The following UGT1A10 variants were observed in gnomAD, a reference collection of about 807,000 sequenced individuals.
The protein encoded by UGT1A10 is UDP-glucuronosyltransferase 1A10.
In UGT1A10, 49 loss-of-function variants were observed where a neutral mutation model predicts 45.8. The observed-to-expected ratio is 1.07, with a 90% CI of 0.85 to 1.36. The LOEUF is 1.36. Among genes scored for constraint, UGT1A10 ranks in the 40% most tolerant of loss-of-function variants. The pLI, the probability that UGT1A10 is intolerant of heterozygous loss-of-function variation, is 0.00. For synonymous variants in UGT1A10, 284 were observed against 249.7 expected (o/e 1.14, Z -1.29); for missense variants, 745 against 668.6 (o/e 1.11, Z -1.26).
intron 1 of UGT1A10, chr2:233,718,970 G>T (rs45510694): frequency 4.3e-6 from 7 of 1,614,194 alleles, no homozygotes; most frequent in Non-Finnish European, 5.9e-6. Flanking sequence ...CCTTGCGGGA[G>T]CTCCATGCCA....
At chr2:233,664,210 AT>A (rs765288843) in intron 1 of UGT1A10, among the ~76,000 whole-genome samples, 6 of 152,230 alleles carry the variant, frequency 3.9e-5, no homozygotes, top group Non-Finnish European at 7.4e-5. Flanking sequence ...TTCTATCAGT[AT>A]TTTGGTCACA....
intron 1 of UGT1A10, chr2:233,648,711 G>A (rs950191233): frequency 4.0e-5 from 17 of 424,108 alleles, no homozygotes; most frequent in Middle Eastern, 3.7e-4. Context: ...TGATCCGCCC[G>A]CCTTGGCCTC....
chr2:233,719,253 T>A (rs757974973), intron 1 of UGT1A10: 2 of 1,614,038 alleles, frequency 1.2e-6, no homozygotes, highest in African/African-American at 2.7e-5. Flanking sequence ...GAATGCTACT[T>A]CCTTTGATGT....
chr2:233,733,661 T>C (rs1200789776), intron 1 of UGT1A10, among the ~76,000 whole-genome samples: 1 of 152,240 alleles, frequency 6.6e-6, no homozygotes, highest in African/African-American at 2.4e-5. Context: ...GAAGCCGACT[T>C]GATCGATGTG....
intron 1 of UGT1A10, among the ~76,000 whole-genome samples, chr2:233,703,526 A>G (rs1380988248): frequency 1.3e-5 from 2 of 151,996 alleles, no homozygotes; most frequent in Non-Finnish European, 2.9e-5. Context: ...GACACTTATC[A>G]TTACACAATT....
At position 233,662,232 on chromosome 2, in the gene UGT1A10, T is replaced by C. The variant is rs542411289; in HGVS notation, c.855+24855T>C. Among the ~76,000 whole-genome samples, 3 of 152,366 alleles carry C rather than the reference T, an allele frequency of 2.0e-5. No homozygotes were observed. The East Asian group carries it at 5.8e-4, about 29-fold the overall frequency. On this transcript the variant is annotated intron_variant, in intron 1 of 4. Coordinates refer to ENST00000344644, the MANE Select transcript of UGT1A10 (RefSeq NM_019075.4). ...ATTTAAAATAGATTTGTGTCTATAA[T>C]ATGGTAGTAAATGATAAAATAGACT...
At chr2:233,694,141 T>G (rs1331885877) in intron 1 of UGT1A10, among the ~76,000 whole-genome samples, 1 of 152,094 alleles carries the variant, frequency 6.6e-6, no homozygotes, top group African/African-American at 2.4e-5. Context: ...GAATGAGCCT[T>G]AGAAATGTCC....
intron 1 of UGT1A10, chr2:233,752,460 T>C (rs1356858435): frequency 1.3e-5 from 2 of 152,236 alleles, no homozygotes; most frequent in African/African-American, 4.8e-5. Flanking sequence ...TACCCACATA[T>C]AGGCCTCTAG....
chr2:233,744,550 CAA>C (rs1194427613), intron 1 of UGT1A10, among the ~76,000 whole-genome samples: 3 of 151,848 alleles, frequency 2.0e-5, no homozygotes, highest in Non-Finnish European at 4.4e-5. Flanking sequence ...TTTATTAAGA[CAA>C]AATGTAGTGA....
chr2:233,704,256 C>CA (rs1553607929), intron 1 of UGT1A10, among the ~76,000 whole-genome samples: 1 of 123,680 alleles, frequency 8.1e-6, no homozygotes, highest in Non-Finnish European at 1.6e-5. Flanking sequence ...GCCTTTATTG[C>CA]TTTTTTTTTT....
chr2:233,644,751 G>C (rs1249892264), intron 1 of UGT1A10, among the ~76,000 whole-genome samples: 1 of 152,076 alleles, frequency 6.6e-6, no homozygotes, highest in Non-Finnish European at 1.5e-5. Context: ...AGGGGGTTGG[G>C]TGACATAGGA....
intron 1 of UGT1A10, among the ~76,000 whole-genome samples, chr2:233,673,306 C>T (rs2074256536): frequency 6.6e-6 from 1 of 152,116 alleles, no homozygotes; most frequent in Non-Finnish European, 1.5e-5. Flanking sequence ...CCAATACAGA[C>T]AGATTTGACA....
At chr2:233,677,862 A>G (rs773721257) in intron 1 of UGT1A10, among the ~76,000 whole-genome samples, 1 of 152,184 alleles carries the variant, frequency 6.6e-6, no homozygotes, top group Non-Finnish European at 1.5e-5. Flanking sequence ...CAAGAAACAC[A>G]TGCACTGGTA....
At position 233,672,895 on chromosome 2, in the gene UGT1A10, A is replaced by G. The variant is rs1228410943; in HGVS notation, c.855+35518A>G. Reference sequence around the variant, plus strand: ...GACATTTTCATTTGTTTCATTTCAAATTTCTTTCCAGTTTAACAAATTATT... The same window carrying G: ...GACATTTTCATTTGTTTCATTTCAAGTTTCTTTCCAGTTTAACAAATTATT... On this transcript the variant is annotated intron_variant, in intron 1 of 4. Transcript: ENST00000344644. 3 of 1,511,686 alleles carry G rather than the reference A, an allele frequency of 2.0e-6. No individual in the cohort carries two copies. In the East Asian group the frequency reaches 6.8e-5, roughly 34 times the overall value. The allele number at this position is 1,511,686 out of a possible 1,614,324, so 93.6% of individuals were successfully genotyped here.
intron 1 of UGT1A10, among the ~76,000 whole-genome samples, chr2:233,660,289 G>A (rs878883237): frequency 1.3e-5 from 2 of 152,268 alleles, no homozygotes; most frequent in Admixed American, 6.5e-5. Flanking sequence ...AGAAAACCAT[G>A]TGTAATGAGC....
At position 233,723,541 on chromosome 2, in the gene UGT1A10, TA is replaced by T. The variant is rs1455161715; in HGVS notation, c.856-43492del. 2.1e-4 allele frequency among the ~76,000 whole-genome samples: 28 copies of T among 134,814 alleles called. No individual in the cohort carries two copies. The East Asian group carries it at 3.0e-3, about 15-fold the overall frequency. 88.4% of individuals were successfully genotyped at this position (134,814 alleles called of 152,430 possible). Reference sequence around the variant, plus strand: ...CTTTTTTTTTTTTTTTTTTTTAATTTATTTTTTTATTGATAATTCTTGGGTG... The same window carrying T: ...CTTTTTTTTTTTTTTTTTTTTAATTTTTTTTTTATTGATAATTCTTGGGTG... On this transcript the variant is annotated intron_variant, in intron 1 of 4. Transcript: ENST00000344644.
chr2:233,674,301 G>A (rs560021290), intron 1 of UGT1A10, among the ~76,000 whole-genome samples: 55 of 152,186 alleles, frequency 3.6e-4, no homozygotes, highest in African/African-American at 1.3e-3. Flanking sequence ...CATGACTTTC[G>A]GATCTTCACA....
At chr2:233,648,666 G>A (rs957826105) in intron 1 of UGT1A10, 30 of 297,774 alleles carry the variant, frequency 1.0e-4, no homozygotes, top group East Asian at 7.7e-4. Context: ...GGGTTTCACC[G>A]TGTTAGCCAG....
At chr2:233,724,345 C>CT (rs2077231135) in intron 1 of UGT1A10, among the ~76,000 whole-genome samples, 1 of 148,054 alleles carries the variant, frequency 6.8e-6, no homozygotes, top group African/African-American at 2.5e-5. Context: ...GGCTGACCCC[C>CT]CCCACCTCCC....
Sources: allele counts gnomAD v4.1 joint callset (sites outside exome capture counted in the v4.1 genomes callset), GRCh38; gene constraint gnomAD v4.1.1; transcripts MANE v1.5; gene names NCBI Gene and HGNC (gene_info 2026-07-23, HGNC 2026-07-21).